Variants in PLSCR2 observed in about 807,000 individuals in gnomAD.
The protein encoded by PLSCR2 is phospholipid scramblase 2, also known as PL scramblase 2.
Under a neutral mutation model 25.3 loss-of-function variants are expected in PLSCR2, and 18 were observed. The ratio of observed to expected loss-of-function variants is 0.71; its 90% CI spans 0.49 to 1.06. The LOEUF (loss-of-function observed/expected upper bound fraction) is 1.06, where lower values mean the gene tolerates loss of function less well. Ranked by LOEUF, PLSCR2 falls within the 50% of genes least tolerant of loss-of-function variation. The probability of loss-of-function intolerance (pLI) is 0.00; values close to 1 mark genes in which losing one functional copy is unlikely to be tolerated. For synonymous variants in PLSCR2, 88 were observed against 87.3 expected, an observed-to-expected ratio of 1.01 and a Z score of -0.04; for missense variants, 243 against 269.5, an observed-to-expected ratio of 0.90 and a Z score of 0.69.
chr3:146,448,275 C>T (rs1319201219), intron 6 of PLSCR2, among the ~76,000 whole-genome samples: 3 of 152,142 alleles, frequency 2.0e-5, no homozygotes, highest in Non-Finnish European at 4.4e-5. Context: ...ATCAGCTTCC[C>T]CTGTTTAATC....
At chr3:146,423,412 T>C (rs1054562317) in intron 2 of PLSCR2, among the ~76,000 whole-genome samples, 2 of 152,016 alleles carry the variant, frequency 1.3e-5, no homozygotes, top group African/African-American at 4.8e-5. Flanking sequence ...CTCAATACTA[T>C]CTATAACACA....
At position 146,495,921 on chromosome 3, in the gene PLSCR2, A is replaced by G. The variant is rs1560068115; in HGVS notation, c.-319T>C. ...TGGGAGGTGAATTTGAAAAGGCTTC[A>G]TTCTCCATTCGGCCCACAATCCAGA... On this transcript the variant is annotated 5_prime_UTR_variant, in exon 1 of 9. Coordinates refer to the PLSCR2 transcript ENST00000336685. The G allele has an allele frequency of 4.6e-6, 7 of 1,535,704 alleles. No homozygotes were observed. The South Asian group carries it at 4.8e-5, about 10-fold the overall frequency.
intron 6 of PLSCR2, among the ~76,000 whole-genome samples, chr3:146,445,924 G>A (rs977656716): frequency 6.6e-6 from 1 of 152,016 alleles, no homozygotes; most frequent in East Asian, 1.9e-4. Context: ...CAGCTCTACT[G>A]TTTAGAGACT....
chr3:146,406,755 T>A (rs1180921403), intron 2 of PLSCR2, among the ~76,000 whole-genome samples: 1 of 152,068 alleles, frequency 6.6e-6, no homozygotes, highest in Non-Finnish European at 1.5e-5. Flanking sequence ...CTGTTGGCAT[T>A]GTGAGGATGA....
At chr3:146,429,697 C>T (rs1186523613), downstream of PLSCR2, among the ~76,000 whole-genome samples, 3 of 152,114 alleles carry the variant, frequency 2.0e-5, no homozygotes, top group Admixed American at 6.5e-5. Flanking sequence ...ATGATCTCGG[C>T]TCACTGCCAG....
chr3:146,407,222 A>G (rs1456284479), intron 2 of PLSCR2, among the ~76,000 whole-genome samples: 1 of 152,078 alleles, frequency 6.6e-6, no homozygotes, highest in African/African-American at 2.4e-5. Context: ...AATGTTTAAC[A>G]CCTTACTGAC....
downstream of PLSCR2, among the ~76,000 whole-genome samples, chr3:146,431,588 A>G (rs184527406): frequency 1.5e-4 from 23 of 151,994 alleles, no homozygotes; most frequent in African/African-American, 5.3e-4. Context: ...ATCTCCCACC[A>G]CTAACTAACT....
chr3:146,452,529 G>C (rs1328316615), intron 5 of PLSCR2, among the ~76,000 whole-genome samples: 1 of 151,924 alleles, frequency 6.6e-6, no homozygotes, highest in African/African-American at 2.4e-5. Context: ...TACTGAAAAG[G>C]TATTTTTAAA....
At chr3:146,412,248 T>C (rs2038877929) in intron 2 of PLSCR2, among the ~76,000 whole-genome samples, 1 of 152,140 alleles carries the variant, frequency 6.6e-6, no homozygotes, top group East Asian at 1.9e-4. Context: ...CCTACAGTAA[T>C]GTGGTCTCTG....
intron 8 of PLSCR2, among the ~76,000 whole-genome samples, chr3:146,434,515 A>G (rs2039706303): frequency 6.6e-6 from 1 of 151,834 alleles, no homozygotes; most frequent in East Asian, 1.9e-4. Flanking sequence ...AAAAGGAATG[A>G]AAACATCTCT....
intron 1 of PLSCR2, among the ~76,000 whole-genome samples, chr3:146,473,598 G>A (rs956845445): frequency 3.3e-5 from 5 of 152,078 alleles, no homozygotes; most frequent in East Asian, 1.9e-4. Context: ...GAGCCACTGC[G>A]CCTGGCTGAA....
At chr3:146,455,572 A>G (rs2041170213) in intron 3 of PLSCR2, 113 bp from the exon 4 acceptor site, 2 of 670,244 alleles carry the variant, frequency 3.0e-6, no homozygotes, top group East Asian at 5.4e-5. Context: ...AAAGAACAAA[A>G]AGGAATGGTA....
intron 1 of PLSCR2, among the ~76,000 whole-genome samples, chr3:146,478,591 A>G (rs896304008): frequency 2.0e-5 from 3 of 152,252 alleles, no homozygotes; most frequent in Non-Finnish European, 2.9e-5. Flanking sequence ...ATATGGAGCT[A>G]TGTGAAAAGA....
chr3:146,494,455 A>G (rs917402327), intron 1 of PLSCR2: 66 of 152,250 alleles, frequency 4.3e-4, no homozygotes, highest in African/African-American at 1.5e-3. Flanking sequence ...ATATGTGTAT[A>G]TATGTTTTAA....
chr3:146,392,372 T>G (rs370918667), intron 3 of PLSCR2, among the ~76,000 whole-genome samples: 1 of 152,134 alleles, frequency 6.6e-6, no homozygotes. Flanking sequence ...ATAAAAACTT[T>G]AATACATGAT....
intron 5 of PLSCR2, among the ~76,000 whole-genome samples, chr3:146,449,892 G>A (rs1345439400): frequency 6.6e-6 from 1 of 152,202 alleles, no homozygotes; most frequent in Non-Finnish European, 1.5e-5. Flanking sequence ...CTGACAGTTT[G>A]AGTGAAGAAA....
intron 2 of PLSCR2, among the ~76,000 whole-genome samples, chr3:146,412,299 T>C (rs746443659): frequency 1.6e-4 from 24 of 152,116 alleles, no homozygotes; most frequent in Non-Finnish European, 3.4e-4. Flanking sequence ...ATTGCCCTAG[T>C]GCAGGCTTTC....
At chr3:146,458,496 T>C in intron 2 of PLSCR2, 43 bp from the exon 3 acceptor site, 1 of 1,275,384 alleles carries the variant, frequency 7.8e-7, no homozygotes, top group Non-Finnish European at 1.1e-6. Flanking sequence ...TCAAATATTT[T>C]ATAGAGAACT....
chr3:146,410,803 G>T (rs1181085462), intron 2 of PLSCR2, among the ~76,000 whole-genome samples: 1 of 152,202 alleles, frequency 6.6e-6, no homozygotes, highest in African/African-American at 2.4e-5. Context: ...ACAGACAAGG[G>T]GAAGGGGTCC....
Sources: gnomAD v4.1 joint callset for allele counts (sites outside exome capture counted in the v4.1 genomes callset) on GRCh38, gnomAD v4.1.1 for gene constraint, MANE v1.5 for transcripts, NCBI Gene and HGNC (gene_info 2026-07-23, HGNC 2026-07-21) for gene names.